TMEM132C: variants seen among roughly 807,000 people sequenced by gnomAD.
TMEM132C encodes transmembrane protein 132C.
In TMEM132C, 29 loss-of-function variants were observed where a neutral mutation model predicts 61.4. That is an observed-to-expected ratio of 0.47 (90% CI 0.35 to 0.64). TMEM132C has a LOEUF of 0.64. TMEM132C is among the 30% of genes least tolerant of loss of function. The probability of loss-of-function intolerance (pLI) is 0.00; values close to 1 mark genes in which losing one functional copy is unlikely to be tolerated. For missense variants in TMEM132C, 1,408 were observed against 1,476.9 expected, an observed-to-expected ratio of 0.95 and a Z score of 0.76; for synonymous variants, 656 against 633.1, an observed-to-expected ratio of 1.04 and a Z score of -0.54.
At chr12:128,437,660 A>G (rs573719628) in intron 2 of TMEM132C, 2 of 152,352 alleles carry the variant, frequency 1.3e-5, no homozygotes, top group East Asian at 3.9e-4. Context: ...TTCTGTGAGC[A>G]TATTTATACC....
intron 3 of TMEM132C, among the ~76,000 whole-genome samples, chr12:128,609,357 G>C (rs556419222): frequency 6.8e-6 from 1 of 146,242 alleles, no homozygotes; most frequent in East Asian, 2.0e-4. Flanking sequence ...TCCCACCTCA[G>C]CCTCCCAAGT....
At chr12:128,698,941 G>A (rs1954784743) in intron 8 of TMEM132C, among the ~76,000 whole-genome samples, 1 of 152,170 alleles carries the variant, frequency 6.6e-6, no homozygotes, top group Admixed American at 6.5e-5. Context: ...ACAAAGCAGA[G>A]GCATGATGAT....
chr12:128,688,195 A>G lies in TMEM132C; in HGVS notation c.1450-5634A>G, dbSNP rs569862006. On this transcript the variant is annotated intron_variant, in intron 5 of 8. Coordinates refer to ENST00000435159, the MANE Select transcript of TMEM132C (RefSeq NM_001136103.3). ...TGCCCACCTGCCCACAGGAATGCCAATGACTCGAACAGCCACATGGCAGGA... is the reference window on the plus strand; with the variant it reads ...TGCCCACCTGCCCACAGGAATGCCAGTGACTCGAACAGCCACATGGCAGGA... Among the ~76,000 whole-genome samples the G allele has an allele frequency of 2.5e-4, 38 of 152,326 alleles. 2 individuals are homozygous for G. The South Asian group carries it at 4.6e-3, about 18-fold the overall frequency.
intron 3 of TMEM132C, among the ~76,000 whole-genome samples, chr12:128,576,783 A>ATTG (rs760541193): frequency 3.9e-5 from 6 of 152,050 alleles, no homozygotes; most frequent in Non-Finnish European, 7.4e-5. Context: ...GGTTGTCGAC[A>ATTG]TTGTTGTTGT....
intron 1 of TMEM132C, among the ~76,000 whole-genome samples, chr12:128,386,675 AAC>A (rs1163993967): frequency 1.3e-5 from 2 of 152,240 alleles, no homozygotes; most frequent in Non-Finnish European, 2.9e-5. Flanking sequence ...TCTTCTTGAT[AAC>A]ACTGTGAAGT....
At position 128,306,265 on chromosome 12, in the gene TMEM132C, C is replaced by A. The variant is rs188267427; in HGVS notation, c.85+38778C>A. On this transcript the variant is annotated intron_variant, in intron 1 of 8. Transcript: ENST00000435159. The stretch of plus-strand genomic sequence containing the variant: ...CGTTGCCCAGGCTTGAGTACAGTGG[C>A]GATCTCAGCTCACTGCAAGCTCTGC... Among the ~76,000 whole-genome samples, 305 of 144,824 alleles carry A rather than the reference C, an allele frequency of 2.1e-3. 1 individual carries two copies. The highest frequency in any genetic ancestry group is 7.4e-3 in the African/African-American group (287 of 39,042).
rs1872272026 is a variant in TMEM132C, at chr12:128,504,089, G to C, written c.975-39868G>C. Among the ~76,000 whole-genome samples the C allele has an allele frequency of 3.9e-5, 6 of 152,238 alleles. No homozygotes were observed. In the South Asian group the frequency reaches 1.2e-3, roughly 32 times the overall value. On this transcript the variant is annotated intron_variant, in intron 2 of 8. Transcript: ENST00000435159. ...CGTCATCTCAGGGCCCATCCAGGTG[G>C]TGGCTCCATGAGAGCCAGTTGGGCT...
chr12:128,673,020 C>T lies in TMEM132C; in HGVS notation c.1449+3460C>T, dbSNP rs186085617. ...CCAGTTGCCTGGGCTTCAGTTCCCA[C>T]TGGCTTATGCAGAAGAGGCCAGTGA... is the stretch of plus-strand genomic sequence containing the variant. On this transcript the variant is annotated intron_variant, in intron 5 of 8. Transcript: ENST00000435159. Among the ~76,000 whole-genome samples the T allele has an allele frequency of 2.4e-3, 366 of 152,330 alleles. 3 individuals carry two copies. Among genetic ancestry groups the T allele is most frequent in the African/African-American group, 8.4e-3 (351 of 41,582 alleles).
intron 8 of TMEM132C, among the ~76,000 whole-genome samples, chr12:128,698,866 G>C (rs1400662336): frequency 6.6e-6 from 1 of 152,206 alleles, no homozygotes; most frequent in East Asian, 1.9e-4. Context: ...CAGGCGACAG[G>C]GCCCAGGGGT....
chr12:128,378,109 GT>G (rs201174968), intron 1 of TMEM132C, among the ~76,000 whole-genome samples: 9 of 47,598 alleles, frequency 1.9e-4, no homozygotes, highest in African/African-American at 3.3e-4. Context: ...AAATAGAGCA[GT>G]TTTTTTTTGT....
At chr12:128,302,277 TGACCAC>T (rs1453609759) in intron 1 of TMEM132C, among the ~76,000 whole-genome samples, 1 of 152,216 alleles carries the variant, frequency 6.6e-6, no homozygotes, top group Non-Finnish European at 1.5e-5. Flanking sequence ...TGGAAGGAGC[TGACCAC>T]TGTCATCACA....
At chr12:128,670,792 C>T (rs1329589767) in intron 5 of TMEM132C, among the ~76,000 whole-genome samples, 1 of 152,130 alleles carries the variant, frequency 6.6e-6, no homozygotes, top group Non-Finnish European at 1.5e-5. Flanking sequence ...TCTAGAAGAG[C>T]AGCCAAGATT....
intron 3 of TMEM132C, among the ~76,000 whole-genome samples, chr12:128,586,618 C>T (rs1325756283): frequency 2.0e-5 from 3 of 152,202 alleles, no homozygotes; most frequent in Non-Finnish European, 4.4e-5. Context: ...TCCTCTGTAT[C>T]TTCCTTGTTT....
intron 5 of TMEM132C, among the ~76,000 whole-genome samples, chr12:128,671,427 G>C (rs542722489): frequency 4.6e-5 from 7 of 152,202 alleles, no homozygotes; most frequent in African/African-American, 1.4e-4. Context: ...GTCTCTCTCT[G>C]TATTTTTCTG....
chr12:128,407,252 A>G (rs1875376277), intron 1 of TMEM132C, among the ~76,000 whole-genome samples: 1 of 152,214 alleles, frequency 6.6e-6, no homozygotes, highest in Non-Finnish European at 1.5e-5. Flanking sequence ...CTTGCCTGCC[A>G]CCATGTAAGA....
intron 1 of TMEM132C, among the ~76,000 whole-genome samples, chr12:128,314,475 G>A (rs1467684978): frequency 6.6e-6 from 1 of 152,218 alleles, no homozygotes; most frequent in Non-Finnish European, 1.5e-5. Context: ...TAGGAATTCA[G>A]TGGTATCATG....
At chr12:128,656,856 GAGGC>G (rs1377016381) in intron 4 of TMEM132C, among the ~76,000 whole-genome samples, 1 of 152,220 alleles carries the variant, frequency 6.6e-6, no homozygotes, top group Non-Finnish European at 1.5e-5. Context: ...TGGATATTGA[GAGGC>G]AGCCTCTTTT....
At chr12:128,538,608 T>A (rs1225442171) in intron 2 of TMEM132C, among the ~76,000 whole-genome samples, 1 of 152,228 alleles carries the variant, frequency 6.6e-6, no homozygotes. Context: ...AAAGTTATTT[T>A]AAAATAATAC....
chr12:128,531,679 G>T (rs1024195341), intron 2 of TMEM132C, among the ~76,000 whole-genome samples: 1 of 152,208 alleles, frequency 6.6e-6, no homozygotes, highest in African/African-American at 2.4e-5. Flanking sequence ...CTTTTTTATG[G>T]CCTTGGAACC....
Sources: allele counts gnomAD v4.1 joint callset (sites outside exome capture counted in the v4.1 genomes callset), GRCh38; gene constraint gnomAD v4.1.1; transcripts MANE v1.5; gene names NCBI Gene and HGNC (gene_info 2026-07-23, HGNC 2026-07-21).